Variants in ETFB observed in about 807,000 individuals in gnomAD.
ETFB encodes beta-ETF.
A neutral mutation model predicts 25.6 loss-of-function variants in ETFB; 20 were observed. The ratio of observed to expected loss-of-function variants is 0.78; its 90% CI spans 0.55 to 1.14. ETFB has a LOEUF of 1.14. ETFB is among the 50% of genes most tolerant of loss of function. ETFB has a pLI of 0.00. For synonymous variants in ETFB, 142 were observed against 146.7 expected, an observed-to-expected ratio of 0.97 and a Z score of 0.23; for missense variants, 286 against 342.6, an observed-to-expected ratio of 0.83 and a Z score of 1.30.
chr19:51,347,179 T>C (rs1475316236), intron 4 of ETFB, 121 bp from the exon 5 acceptor site: 2 of 1,002,290 alleles, frequency 2.0e-6, no homozygotes, highest in African/African-American at 1.6e-5. Context: ...GAGCGAACAA[T>C]GCAGGGTCCC....
At chr19:51,355,128 T>A (rs1382582005) in intron 1 of ETFB, 1 of 160,802 alleles carries the variant, frequency 6.2e-6, no homozygotes, top group Non-Finnish European at 1.4e-5. Context: ...CAGAAGCTCT[T>A]TAGTTTAACC....
intron 3 of ETFB, among the ~76,000 whole-genome samples, chr19:51,352,846 TCA>T (rs1028745374): frequency 7.2e-5 from 11 of 152,172 alleles, no homozygotes; most frequent in African/African-American, 2.4e-4. Flanking sequence ...CACGCTAATC[TCA>T]AACTCTCGAC....
chr19:51,350,730 C>T (rs1985915639), intron 3 of ETFB, among the ~76,000 whole-genome samples: 1 of 152,066 alleles, frequency 6.6e-6, no homozygotes, highest in Admixed American at 6.6e-5. Flanking sequence ...GATGATCCCC[C>T]AAAGCTCTGG....
intron 4 of ETFB, among the ~76,000 whole-genome samples, chr19:51,348,695 AACAAAAAC>A (rs1985858180): frequency 2.6e-5 from 1 of 38,572 alleles, no homozygotes; most frequent in Non-Finnish European, 5.5e-5. Flanking sequence ...TTAAAAAAAA[AACAAAAAC>A]AAACAAACAA....
intron 1 of ETFB, chr19:51,354,537 A>G: frequency 1.9e-6 from 3 of 1,614,220 alleles, no homozygotes; most frequent in Non-Finnish European, 2.5e-6. Flanking sequence ...TACCAGGGAC[A>G]TCTGACTTGA....
rs1270240429 is a variant in ETFB at position 51,345,204 on chromosome 19, G to A, written c.*7C>T. ...GAGTCAGTTTTATTGCCATCTCTGG[G>A]AGGGGCTCAAATCCGCCCAATCTCC... On this transcript the variant is annotated 3_prime_UTR_variant, in exon 6 of 6. Coordinates refer to ENST00000309244, the MANE Select transcript of ETFB (RefSeq NM_001985.3). 1 of 1,613,862 alleles carries A rather than the reference G, an allele frequency of 6.2e-7. No individual in the cohort carries two copies. Among genetic ancestry groups the A allele is most frequent in the East Asian group, 2.2e-5 (1 of 44,880 alleles).
chr19:51,346,637 C>G, intron 5 of ETFB: 1 of 480,316 alleles, frequency 2.1e-6, no homozygotes. Flanking sequence ...AAAGGGAACA[C>G]CTTCTGCTGC....
chr19:51,347,695 C>A (rs1050338328), intron 4 of ETFB: 1 of 152,826 alleles, frequency 6.5e-6, no homozygotes, highest in African/African-American at 2.4e-5. Context: ...CGACCTTTGT[C>A]CCTGTCCACT....
chr19:51,354,464 G>A (rs1466120947), intron 1 of ETFB, 156 bp from the exon 2 acceptor site: 1 of 1,613,912 alleles, frequency 6.2e-7, no homozygotes, highest in Admixed American at 1.7e-5. Context: ...GACAGAACTG[G>A]GTTAGAGTTT....
chr19:51,366,209 C>T, intron 1 of ETFB, 61 bp downstream of exon 1: 2 of 1,537,648 alleles, frequency 1.3e-6, no homozygotes, highest in Non-Finnish European at 1.8e-6. Context: ...AGTGTGCGCT[C>T]GTGGCCCCGG....
At chr19:51,360,465 G>A (rs972113690) in intron 1 of ETFB, among the ~76,000 whole-genome samples, 2 of 151,724 alleles carry the variant, frequency 1.3e-5, no homozygotes, top group Non-Finnish European at 2.9e-5. Context: ...TGCAGACAAC[G>A]AGTCAAGGGT....
Position 51,350,346 on chromosome 19 carries a change from A to C in ETFB, c.421T>G (p.Phe141Val), listed in dbSNP as rs1985902930. 1.9e-6 allele frequency: 3 copies of C among 1,610,774 alleles called. No individual in the cohort carries two copies. The highest frequency in any genetic ancestry group is 1.1e-5 in the South Asian group (1 of 90,290). Residue 141 changes from phenylalanine (F) to valine (V), a missense_variant, in exon 4 of 6, where the codon TTT becomes GTT. Phe to Val is a conservative substitution (Grantham distance 50, BLOSUM62 -1). Transcript: ENST00000309244. Reference sequence around the variant, plus strand: ...AGTCTCACCTGTGGCCAGTCAAGAAATCCAGCTGTCATCTGCCCTGTCTGG... The same window carrying C: ...AGTCTCACCTGTGGCCAGTCAAGAACTCCAGCTGTCATCTGCCCTGTCTGG... ...CNQTGQMTAG[F>V]LDWPQGTFAS... is the part of the protein sequence containing the mutation.
intron 1 of ETFB, among the ~76,000 whole-genome samples, chr19:51,358,202 G>A (rs1986129349): frequency 6.6e-6 from 1 of 152,082 alleles, no homozygotes; most frequent in Non-Finnish European, 1.5e-5. Context: ...GGTGGCAGCT[G>A]AGCCTGGTGA....
chr19:51,353,077 C>T, intron 3 of ETFB, 55 bp downstream of exon 3: 1 of 1,608,604 alleles, frequency 6.2e-7, no homozygotes, highest in South Asian at 1.1e-5. Flanking sequence ...TCTCCACCAC[C>T]CTCCTCCCGA....
intron 1 of ETFB, among the ~76,000 whole-genome samples, chr19:51,362,918 T>C (rs1986265913): frequency 6.6e-6 from 1 of 152,128 alleles, no homozygotes; most frequent in South Asian, 2.1e-4. Flanking sequence ...GATTACAAAG[T>C]GTCCACACCA....
At position 51,353,150 on chromosome 19, in the gene ETFB, C is replaced by A; in HGVS notation, c.357G>T (p.Leu119=). 6.2e-7 allele frequency: 1 copy of A among 1,614,122 alleles called. No homozygotes were observed. The highest frequency in any genetic ancestry group is 8.5e-7 in the Non-Finnish European group (1 of 1,180,006). ...AKLAEKEKVD[L]VLLGKQAIDD... is the part of the protein sequence containing the mutation. ...CAGCTACCTGTTTGCCCAGCAGCAC[C>A]AGGTCCACCTTCTCCTTCTCTGCCA... The change falls in exon 3 of 6, where the codon CTG becomes CTT. Residue 119 remains leucine (L), a synonymous_variant. Transcript: ENST00000309244.
At chr19:51,346,853 G>C in intron 5 of ETFB, 47 bp downstream of exon 5, 2 of 1,527,312 alleles carry the variant, frequency 1.3e-6, no homozygotes, top group East Asian at 2.5e-5. Flanking sequence ...GGCTGGCAAT[G>C]TGCTTGCCAC....
intron 5 of ETFB, chr19:51,346,670 C>G (rs1433725263): frequency 3.6e-6 from 2 of 562,782 alleles, no homozygotes; most frequent in African/African-American, 3.8e-5. Flanking sequence ...TTCTACTGGC[C>G]TAGATACCAG....
chr19:51,354,879 C>A, intron 1 of ETFB: 1 of 497,726 alleles, frequency 2.0e-6, no homozygotes, highest in Admixed American at 3.2e-5. Flanking sequence ...GTTCCCTCCC[C>A]TTTTCAGGCA....
Sources: gnomAD v4.1 joint callset for allele counts (sites outside exome capture counted in the v4.1 genomes callset) on GRCh38, gnomAD v4.1.1 for gene constraint, MANE v1.5 for transcripts, NCBI Gene and HGNC (gene_info 2026-07-23, HGNC 2026-07-21) for gene names.